MGMT: variants seen among roughly 807,000 people sequenced by gnomAD.
The protein encoded by MGMT is methylated-DNA--protein-cysteine methyltransferase.
MGMT carries 14 observed loss-of-function variants against 15.9 expected under a neutral mutation model. The ratio of observed to expected loss-of-function variants is 0.88; its 90% CI spans 0.58 to 1.37. The LOEUF (loss-of-function observed/expected upper bound fraction) is 1.37, where lower values mean the gene tolerates loss of function less well. Among genes scored for constraint, MGMT ranks in the 40% most tolerant of loss-of-function variants. The pLI is 0.00. For missense variants in MGMT, 282 were observed against 268.1 expected (o/e 1.05, Z -0.36); for synonymous variants, 130 against 118.2 (o/e 1.10, Z -0.65).
rs1338819186 is a variant in MGMT, at chr10:129,624,900, T to A, written c.126-82995T>A. On this transcript the variant is annotated intron_variant, in intron 2 of 4. Transcript: ENST00000651593. ...GTGACAAAGTAGATATTAAGAAAAG[T>A]AGGAAGGAACAGTAAAAATAAGATC... Among the ~76,000 whole-genome samples the A allele has an allele frequency of 2.6e-5, 4 of 152,032 alleles. No individual in the cohort carries two copies. In the East Asian group the frequency reaches 5.8e-4, roughly 22 times the overall value.
chr10:129,549,588 T>C (rs1374405487), intron 2 of MGMT, among the ~76,000 whole-genome samples: 2 of 152,212 alleles, frequency 1.3e-5, no homozygotes, highest in Admixed American at 6.5e-5. Flanking sequence ...TTTCTTCTCT[T>C]TCTCTTTTCT....
chr10:129,555,291 G>A (rs1352330289), intron 2 of MGMT, among the ~76,000 whole-genome samples: 1 of 152,338 alleles, frequency 6.6e-6, no homozygotes, highest in East Asian at 1.9e-4. Context: ...AGCCCGCTCT[G>A]CCCGAGCGCT....
At chr10:129,518,126 G>A (rs34996620) in intron 1 of MGMT, among the ~76,000 whole-genome samples, 37,575 of 151,730 alleles carry the variant, frequency 0.25, 5,556 homozygotes, top group African/African-American at 0.42. Context: ...TCCACATCAG[G>A]AAGCGTATCT....
intron 2 of MGMT, among the ~76,000 whole-genome samples, chr10:129,545,205 A>G (rs2119777036): frequency 6.6e-6 from 1 of 152,318 alleles, no homozygotes; most frequent in African/African-American, 2.4e-5. Flanking sequence ...CTGAACTTGC[A>G]GTAGAGACTG....
At chr10:129,616,293 T>C (rs1847025601) in intron 2 of MGMT, among the ~76,000 whole-genome samples, 1 of 152,186 alleles carries the variant, frequency 6.6e-6, no homozygotes, top group African/African-American at 2.4e-5. Flanking sequence ...GCTGCGATGC[T>C]CATCGTGAAG....
intron 2 of MGMT, among the ~76,000 whole-genome samples, chr10:129,632,718 G>C (rs1847224768): frequency 6.6e-6 from 1 of 152,146 alleles, no homozygotes; most frequent in African/African-American, 2.4e-5. Flanking sequence ...AGAGAGGGAG[G>C]GTTGTGGACC....
intron 1 of MGMT, among the ~76,000 whole-genome samples, chr10:129,526,038 A>T (rs1337662587): frequency 6.6e-6 from 1 of 152,164 alleles, no homozygotes; most frequent in Non-Finnish European, 1.5e-5. Context: ...GAATGAACTG[A>T]GCCGCACTTG....
intron 2 of MGMT, among the ~76,000 whole-genome samples, chr10:129,569,799 G>A (rs1467983033): frequency 2.0e-5 from 3 of 152,228 alleles, no homozygotes; most frequent in South Asian, 2.1e-4. Context: ...TTTGTGGGAC[G>A]TGTTCTCAAC....
chr10:129,520,924 G>A (rs1845801291), intron 1 of MGMT, among the ~76,000 whole-genome samples: 1 of 151,244 alleles, frequency 6.6e-6, no homozygotes, highest in South Asian at 2.1e-4. Context: ...GAACCCCTAC[G>A]GTGCGGGTAC....
intron 1 of MGMT, among the ~76,000 whole-genome samples, chr10:129,489,320 A>G (rs1387752298): frequency 7.5e-6 from 1 of 133,800 alleles, no homozygotes; most frequent in East Asian, 2.3e-4. Context: ...AGATAGCGCC[A>G]TTGCACTCCA....
At chr10:129,517,781 C>T (rs545802410) in intron 1 of MGMT, among the ~76,000 whole-genome samples, 3 of 151,834 alleles carry the variant, frequency 2.0e-5, no homozygotes, top group Admixed American at 6.5e-5. Flanking sequence ...ACTCCAAACC[C>T]TCACTGTGAC....
At chr10:129,554,470 T>C (rs1377190135) in intron 2 of MGMT, among the ~76,000 whole-genome samples, 1 of 152,226 alleles carries the variant, frequency 6.6e-6, no homozygotes, top group East Asian at 1.9e-4. Flanking sequence ...TTAAGGCCTG[T>C]TGCGTGGTTG....
chr10:129,729,799 C>A (rs913823621), intron 3 of MGMT, among the ~76,000 whole-genome samples: 2 of 152,154 alleles, frequency 1.3e-5, no homozygotes, highest in African/African-American at 4.8e-5. Flanking sequence ...TAACTAATGG[C>A]GGCAGCAGCA....
intron 2 of MGMT, among the ~76,000 whole-genome samples, chr10:129,638,429 C>CAAAAAAAA: frequency 0.035 from 2,121 of 61,408 alleles, 85 homozygotes; most frequent in Non-Finnish European, 0.044. Context: ...ACCAAAGAGG[C>CAAAAAAAA]AAAAAAAAAA....
chr10:129,688,045 G>T (rs942277037), intron 2 of MGMT, among the ~76,000 whole-genome samples: 6 of 152,138 alleles, frequency 3.9e-5, no homozygotes, highest in Non-Finnish European at 5.9e-5. Context: ...TTTTATGGCT[G>T]CATAGTATTC....
At position 129,608,741 on chromosome 10, in the gene MGMT, A is replaced by G. The variant is rs1339208752; in HGVS notation, c.125+72364A>G. Among the ~76,000 whole-genome samples the G allele has an allele frequency of 2.6e-5, 4 of 152,146 alleles. No individual in the cohort carries two copies. The South Asian group carries it at 8.3e-4, about 32-fold the overall frequency. On this transcript the variant is annotated intron_variant, in intron 2 of 4. Coordinates refer to ENST00000651593, the MANE Select transcript of MGMT (RefSeq NM_002412.5). ...ATAATTGTCTCAGCTGCTTTTGGTGATTTCTTTGGGAGGGGAGATGTGGAG... is the reference window on the plus strand; with the variant it reads ...ATAATTGTCTCAGCTGCTTTTGGTGGTTTCTTTGGGAGGGGAGATGTGGAG...
At chr10:129,554,087 T>C (rs1846187528) in intron 2 of MGMT, among the ~76,000 whole-genome samples, 1 of 152,172 alleles carries the variant, frequency 6.6e-6, no homozygotes. Flanking sequence ...GTGCTGCCAA[T>C]GAGAAAGATG....
At chr10:129,642,064 A>T (rs894024287) in intron 2 of MGMT, among the ~76,000 whole-genome samples, 2 of 152,200 alleles carry the variant, frequency 1.3e-5, no homozygotes, top group African/African-American at 4.8e-5. Context: ...ACAGACACAG[A>T]GAACCCTTGT....
At chr10:129,493,907 C>T (rs12761840) in intron 1 of MGMT, among the ~76,000 whole-genome samples, 23,402 of 152,154 alleles carry the variant, frequency 0.15, 1,919 homozygotes, top group African/African-American at 0.2. Flanking sequence ...CAGTCATTTC[C>T]GCATGTGGGA....
Sources: allele counts gnomAD v4.1 joint callset (sites outside exome capture counted in the v4.1 genomes callset), GRCh38; gene constraint gnomAD v4.1.1; transcripts MANE v1.5; gene names NCBI Gene and HGNC (gene_info 2026-07-23, HGNC 2026-07-21).